Variants in UNC5B observed in about 807,000 individuals in gnomAD.
UNC5B encodes the protein unc-5 netrin receptor B.
UNC5B carries 56 observed loss-of-function variants against 103.7 expected under a neutral mutation model. The observed-to-expected ratio is 0.54, with a 90% CI of 0.44 to 0.67. UNC5B has a LOEUF of 0.67. Among genes scored for constraint, UNC5B ranks in the 30% least tolerant of loss-of-function variants. The pLI is 0.00. For synonymous variants in UNC5B, 577 were observed against 542.0 expected (o/e 1.06, Z -0.90); for missense variants, 1,194 against 1,284.5 (o/e 0.93, Z 1.08).
At chr10:71,222,900 T>A (rs1843480071) in intron 1 of UNC5B, among the ~76,000 whole-genome samples, 1 of 152,160 alleles carries the variant, frequency 6.6e-6, no homozygotes. Flanking sequence ...TGGACACCCA[T>A]GCAGGATGCA....
intron 1 of UNC5B, among the ~76,000 whole-genome samples, chr10:71,226,153 C>T (rs1262818385): frequency 2.6e-5 from 4 of 152,224 alleles, no homozygotes; most frequent in Non-Finnish European, 5.9e-5. Context: ...CGGCTCACTG[C>T]AATCTCTGCC....
chr10:71,270,484 CA>C (rs1398918458), intron 1 of UNC5B, among the ~76,000 whole-genome samples: 1 of 152,106 alleles, frequency 6.6e-6, no homozygotes, highest in Non-Finnish European at 1.5e-5. Flanking sequence ...GGCTGTACAC[CA>C]CTAGAGGGCA....
Position 71,297,922 on chromosome 10 carries a change from C to T in UNC5B, c.2504C>T (p.Ser835Phe). Residue 835 changes from serine to phenylalanine, a missense_variant, in exon 16 of 17, where the codon TCC becomes TTC. Coordinates refer to ENST00000335350, the MANE Select transcript of UNC5B (RefSeq NM_170744.5). ...CCACCCTTGCAGACACCTGCTGGCT[C>T]CCTGGACACTCTCTGCTCTGCCCCT... ...HTTLAETPAG[S>F]LDTLCSAPGS... 6.2e-7 allele frequency: 1 copy of T among 1,612,874 alleles called. No homozygotes were observed. Among genetic ancestry groups the T allele is most frequent in the Non-Finnish European group, 8.5e-7 (1 of 1,179,494 alleles).
At chr10:71,218,281 G>A (rs1843380049) in intron 1 of UNC5B, 1 of 152,436 alleles carries the variant, frequency 6.6e-6, no homozygotes, top group Non-Finnish European at 1.5e-5. Flanking sequence ...TCTGTGTTTG[G>A]GTGTGTGTGG....
chr10:71,292,397 TG>T, intron 10 of UNC5B, 69 bp from the exon 11 acceptor site: 1 of 1,366,866 alleles, frequency 7.3e-7, no homozygotes, highest in South Asian at 1.3e-5. Context: ...AGCCCCAAGC[TG>T]GGGCCAACTT....
chr10:71,270,376 GAGGC>G (rs1295479088), intron 1 of UNC5B, among the ~76,000 whole-genome samples: 3 of 127,252 alleles, frequency 2.4e-5, no homozygotes, highest in Non-Finnish European at 3.4e-5. Flanking sequence ...GGGAGGGTGG[GAGGC>G]AGGGAGGGAG....
intron 1 of UNC5B, among the ~76,000 whole-genome samples, chr10:71,263,832 G>A (rs903339439): frequency 6.6e-5 from 10 of 152,106 alleles, no homozygotes; most frequent in African/African-American, 2.4e-4. Context: ...CCACAGGGGT[G>A]CCCAGTAAGG....
chr10:71,283,988 T>C (rs1188037424), intron 2 of UNC5B, among the ~76,000 whole-genome samples: 2 of 152,206 alleles, frequency 1.3e-5, no homozygotes, highest in Non-Finnish European at 2.9e-5. Context: ...CCCCATCTTG[T>C]TCTCCTGCAG....
At chr10:71,222,370 T>C (rs2244142) in intron 1 of UNC5B, among the ~76,000 whole-genome samples, 136,181 of 152,220 alleles carry the variant, frequency 0.89, 61,496 homozygotes, top group East Asian at 1. Flanking sequence ...GGTGGCTCAC[T>C]CTCTGTGCCT....
intron 15 of UNC5B, among the ~76,000 whole-genome samples, 183 bp from the exon 16 acceptor site, chr10:71,297,726 A>G (rs915464209): frequency 1.3e-5 from 2 of 152,248 alleles, no homozygotes; most frequent in African/African-American, 4.8e-5. Flanking sequence ...AAGGGTGGCC[A>G]TGCAGGCCTT....
intron 1 of UNC5B, among the ~76,000 whole-genome samples, chr10:71,232,801 C>T (rs2132251503): frequency 6.6e-6 from 1 of 152,352 alleles, no homozygotes. Context: ...TGCCATGCAG[C>T]ATGTCAGTGA....
chr10:71,225,913 G>A (rs1843553418), intron 1 of UNC5B, among the ~76,000 whole-genome samples: 1 of 150,730 alleles, frequency 6.6e-6, no homozygotes, highest in African/African-American at 2.4e-5. Context: ...CACCTTGCCA[G>A]CCCCTCACAC....
intron 6 of UNC5B, 85 bp downstream of exon 6, chr10:71,287,850 C>T (rs1845134278): frequency 3.9e-6 from 6 of 1,521,040 alleles, no homozygotes; most frequent in East Asian, 5.1e-5. Context: ...CAGCCATTCT[C>T]TCCCCAGCAT....
Position 71,284,772 on chromosome 10 carries a change from G to C in UNC5B, c.357G>C (p.Glu119Asp). The stretch of plus-strand genomic sequence containing the variant: ...AGGTGTCGCGGCAGCAGGTGGAGGA[G>C]CTCTTTGGGCTGGAGGATTACTGGT... ...QIEVSRQQVE[E>D]LFGLEDYWCQ... The change falls in exon 3 of 17, where the codon GAG (glutamate) becomes GAC (aspartate). Residue 119 changes from glutamate (E) to aspartate (D), a missense_variant. Physicochemically the swap from Glu to Asp is conservative, Grantham distance 45 (BLOSUM62 2). Coordinates refer to ENST00000335350, the MANE Select transcript of UNC5B (RefSeq NM_170744.5). 1 of 1,613,424 alleles carries C rather than the reference G, an allele frequency of 6.2e-7. No homozygotes were observed. The highest frequency in any genetic ancestry group is 8.5e-7 in the Non-Finnish European group (1 of 1,179,760).
chr10:71,213,037 T>G lies in UNC5B; in HGVS notation c.52T>G (p.Cys18Gly). The change falls in exon 1 of 17, where the codon TGC (cysteine) becomes GGC (glycine). Residue 18 changes from cysteine to glycine, a missense_variant. Transcript: ENST00000335350. This position sits in a 1 kb window ranked among gnomAD's most constrained non-coding sequence, Gnocchi z 4.1. Reference protein sequence around the residue: ...RGALLLALLLCWDPRLSQAGT... With the variant: ...RGALLLALLLGWDPRLSQAGT... ...CGCGCTGCTGCTGGCACTGCTGCTC[T>G]GCTGGGACCCGAGGCTGAGCCAAGC... 7 of 1,419,468 alleles carry G rather than the reference T, an allele frequency of 4.9e-6. No homozygotes were observed. Among genetic ancestry groups the G allele is most frequent in the Non-Finnish European group, 6.5e-6 (7 of 1,080,560 alleles). 87.9% of individuals were successfully genotyped at this position (1,419,468 alleles called of 1,614,324 possible). A position where few individuals can be genotyped will look rare whatever the true frequency, so the allele number is the denominator to read the frequency against.
chr10:71,289,975 G>A (rs929983672), intron 8 of UNC5B, among the ~76,000 whole-genome samples: 8 of 152,372 alleles, frequency 5.3e-5, no homozygotes, highest in African/African-American at 7.2e-5. Flanking sequence ...GAGGAAGTGC[G>A]TGGACAGGTG....
At chr10:71,265,447 C>T (rs1460222888) in intron 1 of UNC5B, among the ~76,000 whole-genome samples, 1 of 152,146 alleles carries the variant, frequency 6.6e-6, no homozygotes, top group African/African-American at 2.4e-5. Flanking sequence ...TCCCTGTCTT[C>T]CCTGAGCTTA....
At chr10:71,261,987 A>G (rs1844424034) in intron 1 of UNC5B, among the ~76,000 whole-genome samples, 2 of 103,978 alleles carry the variant, frequency 1.9e-5, no homozygotes, top group Admixed American at 2.4e-4. Flanking sequence ...TTGGATGGGA[A>G]TTTGGACGGG....
intron 1 of UNC5B, among the ~76,000 whole-genome samples, chr10:71,236,666 G>A (rs1843781494): frequency 6.6e-6 from 1 of 152,226 alleles, no homozygotes; most frequent in South Asian, 2.1e-4. Flanking sequence ...CCCTGCCCGA[G>A]CCCCCACTGG....
Sources: gnomAD v4.1 joint callset for allele counts (sites outside exome capture counted in the v4.1 genomes callset) on GRCh38, gnomAD v4.1.1 for gene constraint, Gnocchi (gnomAD v3.1) non-coding constraint, MANE v1.5 for transcripts, NCBI Gene and HGNC (gene_info 2026-07-23, HGNC 2026-07-21) for gene names.